BIRC6: variants seen among roughly 807,000 people sequenced by gnomAD.
The protein encoded by BIRC6 is dual E2 ubiquitin-conjugating enzyme/E3 ubiquitin-protein ligase BIRC6.
BIRC6 carries 98 observed loss-of-function variants against 503.3 expected under a neutral mutation model. The observed-to-expected ratio is 0.19, with a 90% CI of 0.17 to 0.23. BIRC6 has a LOEUF of 0.23. Among genes scored for constraint, BIRC6 ranks in the 10% least tolerant of loss-of-function variants. The probability of loss-of-function intolerance (pLI) is 1.00; values close to 1 mark genes in which losing one functional copy is unlikely to be tolerated. For synonymous variants in BIRC6, 2,240 were observed against 2,078.7 expected (o/e 1.08, Z -2.11); for missense variants, 5,360 against 5,806.0 (o/e 0.92, Z 2.50).
intron 63 of BIRC6, among the ~76,000 whole-genome samples, chr2:32,546,601 C>T (rs2058067862): frequency 6.6e-6 from 1 of 151,052 alleles, no homozygotes; most frequent in Non-Finnish European, 1.5e-5. Context: ...AAAAAAATAC[C>T]AAAATAATTA....
intron 15 of BIRC6, among the ~76,000 whole-genome samples, chr2:32,437,954 T>C (rs1382068072): frequency 1.3e-5 from 2 of 152,204 alleles, no homozygotes; most frequent in African/African-American, 4.8e-5. Context: ...TATTGGTGTT[T>C]TTAAAAATTT....
At chr2:32,495,169 A>G (rs1050365371) in intron 45 of BIRC6, among the ~76,000 whole-genome samples, 1 of 152,234 alleles carries the variant, frequency 6.6e-6, no homozygotes, top group Non-Finnish European at 1.5e-5. Context: ...GAAGATTTTC[A>G]TACTAAACTT....
In BIRC6 at chr2:32,464,773, C is replaced by T. The variant is rs2048344118; in HGVS notation, c.5206C>T (p.Pro1736Ser). 6.2e-7 allele frequency: 1 copy of T among 1,613,760 alleles called. No homozygotes were observed. Among genetic ancestry groups the T allele is most frequent in the Non-Finnish European group, 8.5e-7 (1 of 1,179,826 alleles). The change falls in exon 25 of 74, where the codon CCA (proline) becomes TCA (serine). Residue 1736 changes from proline (P) to serine (S), a missense_variant. This residue lies in a region of BIRC6 where 2,299 missense variants were observed against 2,267.2 expected (regional missense o/e 1.01). Transcript: ENST00000421745. ...TTTCCCAGGCTCAGTCATTGATCCC[C>T]CAGCAGTCAATCTTGCTGCACATAA... ...QLFPGSVIDP[P>S]AVNLAAHNKN... is the part of the protein sequence containing the mutation.
intron 68 of BIRC6, 112 bp downstream of exon 68, chr2:32,595,256 A>G (rs2061608750): frequency 1.6e-6 from 1 of 637,908 alleles, no homozygotes; most frequent in Admixed American, 3.5e-5. Flanking sequence ...TGTAACATGA[A>G]TTTTACTTCA....
At position 32,617,771 on chromosome 2, in the gene BIRC6, C is replaced by T; in HGVS notation, c.14441C>T (p.Pro4814Leu). 6.2e-7 allele frequency: 1 copy of T among 1,614,026 alleles called. No homozygotes were observed. Among genetic ancestry groups the T allele is most frequent in the Non-Finnish European group, 8.5e-7 (1 of 1,179,890 alleles). The change falls in exon 74 of 74, where the codon CCT becomes CTT. Residue 4814 changes from proline (P) to leucine (L), a missense_variant. This residue lies in a region of BIRC6 where 140 missense variants were observed against 130.2 expected (regional missense o/e 1.07). Coordinates refer to ENST00000421745, the MANE Select transcript of BIRC6 (RefSeq NM_016252.4). ...LREELLKLPCPEGLDPDTDDA... is the reference protein window; with the variant it reads ...LREELLKLPCLEGLDPDTDDA... ...GAAGAGTTGCTGAAACTTCCCTGCC[C>T]TGAAGGCTTGGATCCTGACACTGAC...
chr2:32,513,852 T>C (rs754252143), intron 54 of BIRC6, among the ~76,000 whole-genome samples: 1 of 151,904 alleles, frequency 6.6e-6, no homozygotes, highest in African/African-American at 2.4e-5. Context: ...GAGGTTGCAG[T>C]GTGCTAAGAT....
At chr2:32,538,249 C>G (rs1476114573) in intron 61 of BIRC6, among the ~76,000 whole-genome samples, 1 of 152,084 alleles carries the variant, frequency 6.6e-6, no homozygotes, top group Non-Finnish European at 1.5e-5. Flanking sequence ...GCTCCAAATT[C>G]TGCACATCCA....
intron 33 of BIRC6, among the ~76,000 whole-genome samples, chr2:32,474,087 A>C (rs2049435263): frequency 6.6e-6 from 1 of 152,050 alleles, no homozygotes; most frequent in African/African-American, 2.4e-5. Context: ...TTTAAGATGT[A>C]AGAAGATTCT....
intron 64 of BIRC6, 33 bp from the exon 65 acceptor site, chr2:32,549,280 A>T (rs1257502979): frequency 1.4e-6 from 2 of 1,381,820 alleles, no homozygotes; most frequent in African/African-American, 2.9e-5. Context: ...AGTATGTGAA[A>T]CTGAAATCCA....
At position 32,453,851 on chromosome 2, in the gene BIRC6, C is replaced by G. The variant is rs2046966403; in HGVS notation, c.4662C>G (p.Phe1554Leu). The G allele has an allele frequency of 6.2e-7, 1 of 1,613,646 alleles. No individual in the cohort carries two copies. The highest frequency in any genetic ancestry group is 8.5e-7 in the Non-Finnish European group (1 of 1,179,726). ...VSSCTAAEGS[F>L]TSLTGLLEVE... ...GTTGCACAGCTGCTGAGGGTAGTTT[C>G]ACATCTCTCACTGGACTTTTGGAAG... The change falls in exon 23 of 74, where the codon TTC becomes TTG. Residue 1554 changes from phenylalanine (F) to leucine (L), a missense_variant. This residue lies in a region of BIRC6 where 2,299 missense variants were observed against 2,267.2 expected (regional missense o/e 1.01). Transcript: ENST00000421745.
In BIRC6 at chr2:32,468,800, C is replaced by T. The variant is rs780393858; in HGVS notation, c.6127+17C>T. ...CTTCTAATGGTTTGTATTTGGCTTA[C>T]ATATTTTAAAGGCTGGGAATATACT... On this transcript the variant is annotated intron_variant, in intron 29 of 73. Transcript: ENST00000421745. 2.0e-6 allele frequency: 3 copies of T among 1,536,106 alleles called. No individual in the cohort carries two copies. The highest frequency in any genetic ancestry group is 2.7e-6 in the Non-Finnish European group (3 of 1,128,724).
chr2:32,367,560 G>A (rs568488770), intron 1 of BIRC6, among the ~76,000 whole-genome samples: 82 of 152,182 alleles, frequency 5.4e-4, no homozygotes, highest in Middle Eastern at 3.4e-3. Context: ...GATGGCTGTC[G>A]CGTGTAATCC....
At chr2:32,523,361 A>C (rs1182721688) in intron 57 of BIRC6, 4 of 152,180 alleles carry the variant, frequency 2.6e-5, no homozygotes, top group Admixed American at 1.3e-4. Context: ...AATTGGCTAA[A>C]CTTCTAATTG....
intron 21 of BIRC6, among the ~76,000 whole-genome samples, chr2:32,447,561 G>T (rs1442657395): frequency 1.0e-5 from 1 of 97,764 alleles, no homozygotes; most frequent in African/African-American, 4.4e-5. Flanking sequence ...GCCGGGCAGA[G>T]GCGCCCCTCA....
At chr2:32,532,927 A>C (rs763771243) in intron 61 of BIRC6, among the ~76,000 whole-genome samples, 15 of 152,128 alleles carry the variant, frequency 9.9e-5, no homozygotes, top group Admixed American at 9.2e-4. Context: ...TGTGAAAGTG[A>C]CTTTAGAATT....
intron 2 of BIRC6, among the ~76,000 whole-genome samples, chr2:32,378,003 C>T (rs2037066951): frequency 6.6e-6 from 1 of 152,140 alleles, no homozygotes; most frequent in Admixed American, 6.5e-5. Context: ...ACAGGTTAAA[C>T]AGCTGTAACC....
At chr2:32,420,366 G>A (rs987130800) in intron 10 of BIRC6, among the ~76,000 whole-genome samples, 1 of 152,042 alleles carries the variant, frequency 6.6e-6, no homozygotes, top group Non-Finnish European at 1.5e-5. Context: ...GGAAGATTTT[G>A]AATATACACA....
rs774115143 is a variant in BIRC6 at position 32,415,139 on chromosome 2, A to G, written c.1848A>G (p.Ser616=). The change falls in exon 10 of 74, where the codon TCA becomes TCG. Residue 616 remains serine, a synonymous_variant. Coordinates refer to ENST00000421745, the MANE Select transcript of BIRC6 (RefSeq NM_016252.4). The part of the protein sequence containing the change: ...GSTDNESCTN[S]ELNSPLVRRT... ...CTGACAATGAATCCTGCACTAATTC[A>G]GAACTAAATTCTCCTCTGGTAAGGA... 4.3e-6 allele frequency: 7 copies of G among 1,614,038 alleles called. No individual in the cohort carries two copies. Among genetic ancestry groups the G allele is most frequent in the East Asian group, 4.5e-5 (2 of 44,884 alleles).
At chr2:32,368,910 C>T (rs1056975583) in intron 1 of BIRC6, among the ~76,000 whole-genome samples, 24 of 152,142 alleles carry the variant, frequency 1.6e-4, no homozygotes, top group African/African-American at 4.8e-4. Flanking sequence ...CCTTGGCCTC[C>T]CAAAGTGCTG....
Sources: gnomAD v4.1 joint callset for allele counts (sites outside exome capture counted in the v4.1 genomes callset) on GRCh38, gnomAD v4.1.1 for gene constraint, gnomAD v4.1.1 regional missense constraint, MANE v1.5 for transcripts, NCBI Gene and HGNC (gene_info 2026-07-23, HGNC 2026-07-21) for gene names.